CHRM5: variants seen among roughly 807,000 people sequenced by gnomAD.
The protein encoded by CHRM5 is muscarinic acetylcholine receptor M5.
Under a neutral mutation model 39.0 loss-of-function variants are expected in CHRM5, and 18 were observed. The ratio of observed to expected loss-of-function variants is 0.46; its 90% CI spans 0.32 to 0.68. The LOEUF is 0.68. Among genes scored for constraint, CHRM5 ranks in the 30% least tolerant of loss-of-function variants. The probability of loss-of-function intolerance (pLI) is 0.04; values close to 1 mark genes in which losing one functional copy is unlikely to be tolerated. For missense variants in CHRM5, 515 were observed against 651.1 expected (o/e 0.79, Z 2.28); for synonymous variants, 241 against 246.3 (o/e 0.98, Z 0.20).
chr15:34,038,020 T>C (rs1043221369), intron 1 of CHRM5, among the ~76,000 whole-genome samples: 1 of 152,204 alleles, frequency 6.6e-6, no homozygotes, highest in Admixed American at 6.5e-5. Context: ...TTTGCCCCCA[T>C]ATATATCATC....
intron 1 of CHRM5, among the ~76,000 whole-genome samples, chr15:34,014,457 G>A (rs1313091859): frequency 2.0e-5 from 3 of 147,218 alleles, no homozygotes; most frequent in Non-Finnish European, 4.4e-5. Context: ...CAGGTCCCCT[G>A]ATAAAAAATA....
intron 1 of CHRM5, among the ~76,000 whole-genome samples, chr15:33,982,134 T>C (rs1349458650): frequency 6.6e-6 from 1 of 152,130 alleles, no homozygotes; most frequent in East Asian, 1.9e-4. Context: ...CCCAAAGTGC[T>C]GGGATTACAG....
chr15:34,037,535 T>C (rs1453644807), intron 1 of CHRM5, among the ~76,000 whole-genome samples: 1 of 149,126 alleles, frequency 6.7e-6, no homozygotes, highest in Non-Finnish European at 1.5e-5. Context: ...ATTACATAAT[T>C]CTACATTACA....
intron 1 of CHRM5, among the ~76,000 whole-genome samples, chr15:33,980,740 T>C (rs1209856221): frequency 6.6e-6 from 1 of 152,184 alleles, no homozygotes; most frequent in African/African-American, 2.4e-5. Flanking sequence ...AAATTACTTC[T>C]TGCTCTAAGC....
chr15:33,988,900 A>G (rs979310889), intron 1 of CHRM5, among the ~76,000 whole-genome samples: 1 of 152,248 alleles, frequency 6.6e-6, no homozygotes, highest in African/African-American at 2.4e-5. Flanking sequence ...ATGCCCAGTT[A>G]ACACTCATAA....
chr15:34,057,613 G>A (rs946573168), intron 2 of CHRM5, among the ~76,000 whole-genome samples: 1 of 152,136 alleles, frequency 6.6e-6, no homozygotes, highest in African/African-American at 2.4e-5. Flanking sequence ...CTGAGACTCA[G>A]GTTAAGTAAT....
At position 34,064,408 on chromosome 15, in the gene CHRM5, G is replaced by T; in HGVS notation, c.*92G>T. 1 of 1,410,884 alleles carries T rather than the reference G, an allele frequency of 7.1e-7. No homozygotes were observed. The highest frequency in any genetic ancestry group is 9.4e-7 in the Non-Finnish European group (1 of 1,062,030). 87.4% of individuals were successfully genotyped at this position (1,410,884 alleles called of 1,614,324 possible). On this transcript the variant is annotated 3_prime_UTR_variant, in exon 3 of 3. Transcript: ENST00000383263. ...ATTCTGGTTTGTATATTTTCAAAAA[G>T]AAGACATCTCATTTTGAGTCCTTGA...
At chr15:34,027,045 C>T (rs1898511144) in intron 1 of CHRM5, among the ~76,000 whole-genome samples, 1 of 152,078 alleles carries the variant, frequency 6.6e-6, no homozygotes, top group African/African-American at 2.4e-5. Context: ...CTCTGCAAAC[C>T]CACTCTACTA....
At chr15:34,017,263 T>G (rs983487851) in intron 1 of CHRM5, among the ~76,000 whole-genome samples, 1 of 151,950 alleles carries the variant, frequency 6.6e-6, no homozygotes. Context: ...TCATACAAAA[T>G]GAAACAAAGC....
chr15:34,036,538 T>C (rs1002914327), intron 1 of CHRM5, among the ~76,000 whole-genome samples: 1 of 152,140 alleles, frequency 6.6e-6, no homozygotes, highest in African/African-American at 2.4e-5. Context: ...TCTTGTCTCA[T>C]GTAATGGTTA....
chr15:34,011,191 C>CA (rs929016019), intron 1 of CHRM5, among the ~76,000 whole-genome samples: 1 of 147,562 alleles, frequency 6.8e-6, no homozygotes, highest in Non-Finnish European at 1.5e-5. Context: ...GACTCTGTCT[C>CA]AAAAAAAACT....
At chr15:34,038,805 C>CCTCCCGG (rs1370625277) in intron 1 of CHRM5, 8 of 1,193,060 alleles carry the variant, frequency 6.7e-6, no homozygotes, top group Non-Finnish European at 8.3e-6. Flanking sequence ...TGCGCCCCAG[C>CCTCCCGG]CTCCCGGCTC....
chr15:33,982,407 A>T (rs1353746689), intron 1 of CHRM5, among the ~76,000 whole-genome samples: 1 of 152,164 alleles, frequency 6.6e-6, no homozygotes, highest in Non-Finnish European at 1.5e-5. Context: ...TGCCAAAAAT[A>T]AAAATTAAAA....
intron 1 of CHRM5, among the ~76,000 whole-genome samples, chr15:33,981,005 T>A (rs987211760): frequency 6.6e-6 from 1 of 152,172 alleles, no homozygotes; most frequent in East Asian, 1.9e-4. Context: ...ATAGAGATCA[T>A]CAAATTGAAA....
chr15:33,975,573 A>G (rs1895847674), intron 1 of CHRM5, among the ~76,000 whole-genome samples: 1 of 152,250 alleles, frequency 6.6e-6, no homozygotes, highest in Admixed American at 6.5e-5. Context: ...ATAGAAACAA[A>G]AAGTGAGAAT....
At chr15:34,062,566 A>AAC (rs1249572628) in intron 2 of CHRM5, 77 bp from the exon 3 acceptor site, 20 of 680,974 alleles carry the variant, frequency 2.9e-5, no homozygotes, top group Non-Finnish European at 4.4e-5. Context: ...AAAAAAAAAA[A>AAC]AAAAAAAACT....
chr15:34,053,319 A>ATATAT (rs1555520677), intron 2 of CHRM5, among the ~76,000 whole-genome samples: 376 of 41,888 alleles, frequency 9.0e-3, no homozygotes, highest in Middle Eastern at 0.022. Context: ...AAAAAAAAAA[A>ATATAT]ATATATATAT....
At chr15:34,017,839 C>A (rs1898009440) in intron 1 of CHRM5, among the ~76,000 whole-genome samples, 1 of 152,146 alleles carries the variant, frequency 6.6e-6, no homozygotes, top group African/African-American at 2.4e-5. Flanking sequence ...AAGTAATGCA[C>A]CACATACCAT....
chr15:34,056,759 G>A (rs183174487), intron 2 of CHRM5, among the ~76,000 whole-genome samples: 92 of 152,262 alleles, frequency 6.0e-4, no homozygotes, highest in African/African-American at 2.1e-3. Context: ...CAGGTGTGAT[G>A]TAATCCCAGC....
Sources: allele counts gnomAD v4.1 joint callset (sites outside exome capture counted in the v4.1 genomes callset), GRCh38; gene constraint gnomAD v4.1.1; transcripts MANE v1.5; gene names NCBI Gene and HGNC (gene_info 2026-07-23, HGNC 2026-07-21).